The following KIF2A variants were observed in gnomAD, a reference collection of about 807,000 sequenced individuals.
The protein encoded by KIF2A is kinesin-like protein KIF2A.
KIF2A carries 22 observed loss-of-function variants against 100.2 expected under a neutral mutation model. That is an observed-to-expected ratio of 0.22 (90% CI 0.16 to 0.31). The LOEUF (loss-of-function observed/expected upper bound fraction) is 0.31. KIF2A is among the 10% of genes least tolerant of loss of function. The pLI, the probability that KIF2A is intolerant of heterozygous loss-of-function variation, is 1.00. For missense variants in KIF2A, 495 were observed against 898.7 expected, an observed-to-expected ratio of 0.55 and a Z score of 5.74; for synonymous variants, 268 against 285.9, an observed-to-expected ratio of 0.94 and a Z score of 0.63.
chr5:62,357,535 T>G (rs1748178646), intron 7 of KIF2A, among the ~76,000 whole-genome samples, 156 bp from the exon 8 acceptor site: 1 of 152,222 alleles, frequency 6.6e-6, no homozygotes. Flanking sequence ...TGACAACCAT[T>G]AAAATTTGTG....
At chr5:62,376,821 A>C (rs1356860126) in intron 18 of KIF2A, among the ~76,000 whole-genome samples, 1 of 152,090 alleles carries the variant, frequency 6.6e-6, no homozygotes, top group Non-Finnish European at 1.5e-5. Context: ...TAGGACGAAA[A>C]TATGAATATA....
At chr5:62,310,663 G>A (rs1645104000) in intron 1 of KIF2A, among the ~76,000 whole-genome samples, 1 of 152,038 alleles carries the variant, frequency 6.6e-6, no homozygotes, top group African/African-American at 2.4e-5. Flanking sequence ...GACTTTTCTG[G>A]TTTTCTAAGG....
intron 1 of KIF2A, among the ~76,000 whole-genome samples, chr5:62,333,262 G>A (rs1184642792): frequency 6.6e-6 from 1 of 152,202 alleles, no homozygotes; most frequent in African/African-American, 2.4e-5. Context: ...AAAACCAAGA[G>A]GTGTTCTATT....
At chr5:62,324,241 A>G (rs576626419) in intron 1 of KIF2A, among the ~76,000 whole-genome samples, 1 of 152,228 alleles carries the variant, frequency 6.6e-6, no homozygotes, top group East Asian at 1.9e-4. Flanking sequence ...ACATTCCATG[A>G]TCATGGATAA....
Position 62,365,223 on chromosome 5 carries a change from C to G in KIF2A, c.1468-20C>G. 7.9e-7 allele frequency: 1 copy of G among 1,269,806 alleles called. No homozygotes were observed. The highest frequency in any genetic ancestry group is 1.5e-5 in the African/African-American group (1 of 66,518). The allele number at this position is 1,269,806 out of a possible 1,614,324, so 78.7% of individuals were successfully genotyped here. ...TTATAAGAAAGACTAATCTGTGAGA[C>G]TTGTTTTCTTAATTTTCAGGAGTGC... On this transcript the variant is annotated intron_variant, in intron 14 of 20. Transcript: ENST00000407818.
At chr5:62,349,697 A>G (rs1316264591) in intron 3 of KIF2A, among the ~76,000 whole-genome samples, 4 of 152,158 alleles carry the variant, frequency 2.6e-5, no homozygotes, top group African/African-American at 9.7e-5. Flanking sequence ...ATTACCCCCT[A>G]TTATTCAGAA....
chr5:62,363,392 A>T, intron 13 of KIF2A, 72 bp downstream of exon 13: 3 of 1,352,170 alleles, frequency 2.2e-6, no homozygotes, highest in Admixed American at 2.4e-5. Flanking sequence ...CAAAATGAGG[A>T]TGTTATCTAT....
Position 62,340,871 on chromosome 5 carries a change from C to T in KIF2A, c.65-6259C>T, listed in dbSNP as rs577815437. On this transcript the variant is annotated intron_variant, in intron 1 of 20. Coordinates refer to ENST00000407818, the MANE Select transcript of KIF2A (RefSeq NM_001098511.3). ...GTATTTGAGTAGCTCAATGAAAAGC[C>T]ATATATACGACAATTAAAAAATATT... is the stretch of plus-strand genomic sequence containing the variant. Among the ~76,000 whole-genome samples, 6 of 151,770 alleles carry T rather than the reference C, an allele frequency of 4.0e-5. No homozygotes were observed. The South Asian group carries it at 8.4e-4, about 21-fold the overall frequency.
intron 1 of KIF2A, among the ~76,000 whole-genome samples, chr5:62,312,834 G>T (rs1344652008): frequency 1.3e-5 from 2 of 152,198 alleles, no homozygotes; most frequent in Non-Finnish European, 2.9e-5. Context: ...CAGCACTTTG[G>T]AGGCCAAAGC....
chr5:62,332,538 T>G (rs1474447774), intron 1 of KIF2A, among the ~76,000 whole-genome samples: 1 of 152,040 alleles, frequency 6.6e-6, no homozygotes, highest in Non-Finnish European at 1.5e-5. Flanking sequence ...TTCAAAATAT[T>G]TATTATATTT....
chr5:62,336,724 G>A (rs973137953), intron 1 of KIF2A, among the ~76,000 whole-genome samples: 10 of 152,160 alleles, frequency 6.6e-5, no homozygotes, highest in South Asian at 2.1e-4. Flanking sequence ...TTCATCTTAA[G>A]AATTTAAGGG....
chr5:62,346,266 G>A (rs1747562207), intron 1 of KIF2A, among the ~76,000 whole-genome samples: 1 of 152,084 alleles, frequency 6.6e-6, no homozygotes, highest in Non-Finnish European at 1.5e-5. Flanking sequence ...GGAGTAGTTA[G>A]GGAAAGTAAG....
rs1054988579 is a variant in KIF2A at position 62,306,234 on chromosome 5, G to C, written c.-239G>C. The C allele has an allele frequency of 6.4e-5, 31 of 483,644 alleles. No homozygotes were observed. The highest frequency in any genetic ancestry group is 1.0e-4 in the Non-Finnish European group (28 of 274,938). The allele number at this position is 483,644 out of a possible 1,614,324, so 30.0% of individuals were successfully genotyped here. The stretch of plus-strand genomic sequence containing the variant: ...CTACCCCGCGCCGTCTCACGGCCCC[G>C]GCCCTAGCTTCACCCCGACTACCCG... On this transcript the variant is annotated 5_prime_UTR_variant, in exon 1 of 21. Transcript: ENST00000407818.
intron 20 of KIF2A, among the ~76,000 whole-genome samples, chr5:62,382,474 G>A (rs955463434): frequency 3.9e-5 from 6 of 152,128 alleles, no homozygotes; most frequent in Non-Finnish European, 8.8e-5. Context: ...TAAAATGTAT[G>A]TAATAGGTAC....
chr5:62,353,172 T>C lies in KIF2A; in HGVS notation c.458-103T>C. ...TTGTTATAGGCATGCTTTGTCACTGTGTACCTTTTATGTGTGTGTGGTGAA... is the reference window on the plus strand; with the variant it reads ...TTGTTATAGGCATGCTTTGTCACTGCGTACCTTTTATGTGTGTGTGGTGAA... On this transcript the variant is annotated intron_variant, in intron 5 of 20. Coordinates refer to ENST00000407818, the MANE Select transcript of KIF2A (RefSeq NM_001098511.3). 3 of 580,380 alleles carry C rather than the reference T, an allele frequency of 5.2e-6. No homozygotes were observed. The South Asian group carries it at 8.5e-5, about 16-fold the overall frequency. The allele number at this position is 580,380 out of a possible 1,614,324, so 36.0% of individuals were successfully genotyped here.
chr5:62,308,260 C>A (rs1025888785), intron 1 of KIF2A: 12 of 1,062,792 alleles, frequency 1.1e-5, no homozygotes, highest in African/African-American at 9.6e-5. Context: ...TTTATATTTT[C>A]TCTTCAGATT....
At chr5:62,346,982 C>A in intron 1 of KIF2A, 148 bp from the exon 2 acceptor site, 1 of 538,488 alleles carries the variant, frequency 1.9e-6, no homozygotes, top group Non-Finnish European at 3.3e-6. Flanking sequence ...AAGTTCATTC[C>A]CTGTTCCTGA....
Position 62,387,036 on chromosome 5 carries a change from A to G in KIF2A, c.*1467A>G, listed in dbSNP as rs762616576. Among the ~76,000 whole-genome samples the G allele has an allele frequency of 6.6e-6, 1 of 152,226 alleles. No individual in the cohort carries two copies. Among genetic ancestry groups the G allele is most frequent in the Non-Finnish European group, 1.5e-5 (1 of 68,040 alleles). On this transcript the variant is annotated 3_prime_UTR_variant, in exon 21 of 21. Transcript: ENST00000407818. ...AAAGGGGAGCTATGAATAGAGGGTC[A>G]CATGAGCCAGATTCTTTACTGTTCA...
At chr5:62,382,175 T>C (rs1187517163) in intron 20 of KIF2A, among the ~76,000 whole-genome samples, 1 of 152,168 alleles carries the variant, frequency 6.6e-6, no homozygotes, top group Admixed American at 6.5e-5. Flanking sequence ...TCTGTGATGT[T>C]GATTAGTTGT....
Sources: gnomAD v4.1 joint callset for allele counts (sites outside exome capture counted in the v4.1 genomes callset) on GRCh38, gnomAD v4.1.1 for gene constraint, MANE v1.5 for transcripts, NCBI Gene and HGNC (gene_info 2026-07-23, HGNC 2026-07-21) for gene names.